Variants in SSR3 observed in about 807,000 individuals in gnomAD.
SSR3 encodes the protein signal sequence receptor subunit 3.
SSR3 carries 10 observed loss-of-function variants against 22.1 expected under a neutral mutation model. The ratio of observed to expected loss-of-function variants is 0.45; its 90% CI spans 0.28 to 0.77. SSR3 has a LOEUF of 0.77. Among genes scored for constraint, SSR3 ranks in the 30% least tolerant of loss-of-function variants. The probability of loss-of-function intolerance (pLI) is 0.13; values close to 1 mark genes in which losing one functional copy is unlikely to be tolerated. For synonymous variants in SSR3, 104 were observed against 82.5 expected (o/e 1.26, Z -1.42); for missense variants, 181 against 220.5 (o/e 0.82, Z 1.13).
intron 3 of SSR3, among the ~76,000 whole-genome samples, chr3:156,548,556 C>G (rs1236206459): frequency 6.6e-6 from 1 of 152,214 alleles, no homozygotes; most frequent in Non-Finnish European, 1.5e-5. Flanking sequence ...TCAAGTTAAA[C>G]TGCCTGTGTT....
chr3:156,543,292 GA>G, intron 4 of SSR3, 23 bp from the exon 5 acceptor site: 3 of 1,596,744 alleles, frequency 1.9e-6, no homozygotes, highest in Non-Finnish European at 2.6e-6. Flanking sequence ...TAATGTTATG[GA>G]AAAATGAGTA....
At chr3:156,544,717 G>GC (rs1559943513) in intron 3 of SSR3, among the ~76,000 whole-genome samples, 1 of 152,112 alleles carries the variant, frequency 6.6e-6, no homozygotes, top group Non-Finnish European at 1.5e-5. Flanking sequence ...ATGGCAACCC[G>GC]CACGGTTTCA....
rs1719347614 is a variant in SSR3, at chr3:156,539,627, A to C, written c.*3576T>G. On this transcript the variant is annotated 3_prime_UTR_variant, in exon 5 of 5. Coordinates refer to ENST00000265044, the MANE Select transcript of SSR3 (RefSeq NM_007107.5). ...AGCCTCTATCGCCCTGAAAATTTAA[A>C]CCAACCCCCCAAAAGACCCTCCTAA... 6.6e-6 allele frequency among the ~76,000 whole-genome samples: 1 copy of C among 151,812 alleles called. No homozygotes were observed. The highest frequency in any genetic ancestry group is 2.1e-4 in the South Asian group (1 of 4,828).
At chr3:156,554,881 C>T in intron 1 of SSR3, 76 bp downstream of exon 1, 1 of 1,540,882 alleles carries the variant, frequency 6.5e-7, no homozygotes. Context: ...CTTCCCTGCT[C>T]GCCGGGTCCT....
rs1327421147 is a variant in SSR3 at position 156,540,061 on chromosome 3, AAG to A, written c.*3140_*3141del. On this transcript the variant is annotated 3_prime_UTR_variant, in exon 5 of 5. Transcript: ENST00000265044. ...TAAAAAATAAAACAATTTGAAAAAA[AAG>A]ATGGTTAATGTAAAATAATATAATA... 1 of 152,246 alleles carries A rather than the reference AAG, an allele frequency of 6.6e-6. No homozygotes were observed. Among genetic ancestry groups the A allele is most frequent in the East Asian group, 1.9e-4 (1 of 5,200 alleles). 9.4% of individuals were successfully genotyped at this position (152,246 alleles called of 1,614,324 possible).
chr3:156,550,198 C>T (rs1301712105), intron 2 of SSR3, among the ~76,000 whole-genome samples: 1 of 152,126 alleles, frequency 6.6e-6, no homozygotes, highest in African/African-American at 2.4e-5. Context: ...AAAAGACCAA[C>T]TGAAAAGAAA....
chr3:156,550,220 T>A (rs752008219), intron 2 of SSR3, among the ~76,000 whole-genome samples: 1 of 152,248 alleles, frequency 6.6e-6, no homozygotes, highest in Non-Finnish European at 1.5e-5. Context: ...GGACACAGTT[T>A]ACTGCAGAAA....
chr3:156,548,521 A>G (rs1465828600), intron 3 of SSR3, among the ~76,000 whole-genome samples: 2 of 152,222 alleles, frequency 1.3e-5, no homozygotes. Flanking sequence ...CCTCAATTCC[A>G]GCAGACAGTT....
chr3:156,554,840 G>C (rs1720092673), intron 1 of SSR3, 117 bp downstream of exon 1: 1 of 1,363,880 alleles, frequency 7.3e-7, no homozygotes, highest in East Asian at 2.5e-5. Flanking sequence ...GGGAGCTGGA[G>C]AGATTGCCGA....
intron 3 of SSR3, among the ~76,000 whole-genome samples, chr3:156,545,695 T>C (rs1248299017): frequency 6.6e-6 from 1 of 152,144 alleles, no homozygotes; most frequent in East Asian, 1.9e-4. Flanking sequence ...ATCGACTTAA[T>C]AACTCTTCCA....
Position 156,539,731 on chromosome 3 carries a change from T to A in SSR3, c.*3472A>T, listed in dbSNP as rs1045746626. Reference sequence around the variant, plus strand: ...AGCTCTGATACATCTATAAATTGGTTTTCTCCATAAATGTACACATACATG... The same window carrying A: ...AGCTCTGATACATCTATAAATTGGTATTCTCCATAAATGTACACATACATG... On this transcript the variant is annotated 3_prime_UTR_variant, in exon 5 of 5. Coordinates refer to ENST00000265044, the MANE Select transcript of SSR3 (RefSeq NM_007107.5). Among the ~76,000 whole-genome samples, 12 of 152,118 alleles carry A rather than the reference T, an allele frequency of 7.9e-5. No homozygotes were observed. The highest frequency in any genetic ancestry group is 7.9e-4 in the Admixed American group (12 of 15,270).
At chr3:156,545,359 C>T (rs763459183) in intron 3 of SSR3, among the ~76,000 whole-genome samples, 19 of 152,166 alleles carry the variant, frequency 1.2e-4, no homozygotes, top group Non-Finnish European at 2.1e-4. Flanking sequence ...CATGTGTCCA[C>T]GTGTGAGTTT....
chr3:156,545,868 G>A (rs969229888), intron 3 of SSR3, among the ~76,000 whole-genome samples: 3 of 152,220 alleles, frequency 2.0e-5, no homozygotes, highest in Non-Finnish European at 4.4e-5. Flanking sequence ...AGCCTAGTAA[G>A]ATGCATAGTC....
chr3:156,543,771 AT>A (rs760140345), intron 4 of SSR3, among the ~76,000 whole-genome samples: 3 of 152,232 alleles, frequency 2.0e-5, no homozygotes, highest in Non-Finnish European at 4.4e-5. Flanking sequence ...GTTGGAGGGT[AT>A]CTGATATTTT....
chr3:156,549,812 CT>C (rs1361006228), intron 2 of SSR3, among the ~76,000 whole-genome samples: 1 of 151,714 alleles, frequency 6.6e-6, no homozygotes, highest in Non-Finnish European at 1.5e-5. Context: ...AAAAATAGTT[CT>C]AAAAAAAAAC....
Position 156,544,303 on chromosome 3 carries a change from G to C in SSR3, c.491+5C>G. The C allele has an allele frequency of 6.4e-7, 1 of 1,565,246 alleles. No individual in the cohort carries two copies. Among genetic ancestry groups the C allele is most frequent in the Non-Finnish European group, 8.6e-7 (1 of 1,158,042 alleles). ...AAAAAAGATAATCAACCTTGAAAAG[G>C]ATACACTGTGGGGTTGAAGTTCTTC... On this transcript the variant is annotated splice_donor_5th_base_variant and intron_variant, in intron 4 of 4. Coordinates refer to ENST00000265044, the MANE Select transcript of SSR3 (RefSeq NM_007107.5).
rs80347860 is a variant in SSR3 at position 156,544,431 on chromosome 3, C to A, written c.368G>T (p.Trp123Leu). Reference sequence around the variant, plus strand: ...ATAATCAGCAACTTCATTCTTCTTCCACAAGATTCTACAGACACAGAAACA... The same window carrying A: ...ATAATCAGCAACTTCATTCTTCTTCAACAAGATTCTACAGACACAGAAACA... ...SRKEKDERIL[W>L]KKNEVADYEA... Residue 123 changes from tryptophan (W) to leucine (L), a missense_variant, in exon 4 of 5, where the codon TGG (tryptophan) becomes TTG (leucine). By Grantham distance (61) the Trp-to-Leu change is moderately conservative. Transcript: ENST00000265044. 1 of 1,576,158 alleles carries A rather than the reference C, an allele frequency of 6.3e-7. No individual in the cohort carries two copies. Among genetic ancestry groups the A allele is most frequent in the African/African-American group, 1.4e-5 (1 of 73,342 alleles).
chr3:156,549,038 A>G, intron 2 of SSR3, 35 bp from the exon 3 acceptor site: 2 of 1,595,792 alleles, frequency 1.3e-6, no homozygotes, highest in East Asian at 2.2e-5. Flanking sequence ...AAGTTTCCAT[A>G]TGCTACAGAG....
At position 156,543,206 on chromosome 3, in the gene SSR3, T is replaced by C. The variant is rs773174876; in HGVS notation, c.555A>G (p.Lys185=). 3.1e-6 allele frequency: 5 copies of C among 1,613,634 alleles called. No homozygotes were observed. The highest frequency in any genetic ancestry group is 2.2e-5 in the East Asian group (1 of 44,882). The change falls in exon 5 of 5, where the codon AAA becomes AAG. Residue 185 remains lysine, a synonymous_variant. Transcript: ENST00000265044. Reference sequence around the variant, plus strand: ...CAGGGGGTGAAGCTGACATGGTCTATTTGGAGCCAGTAGACAGGAGGGCGA... The same window carrying C: ...CAGGGGGTGAAGCTGACATGGTCTACTTGGAGCCAGTAGACAGGAGGGCGA... The part of the protein sequence containing the change: ...GLIALLSTGS[K]
Sources: gnomAD v4.1 joint callset for allele counts (sites outside exome capture counted in the v4.1 genomes callset) on GRCh38, gnomAD v4.1.1 for gene constraint, MANE v1.5 for transcripts, NCBI Gene and HGNC (gene_info 2026-07-23, HGNC 2026-07-21) for gene names.